EMC10: variants seen among roughly 807,000 people sequenced by gnomAD.
EMC10 encodes UPF0510 protein INM02.
Under a neutral mutation model 32.2 loss-of-function variants are expected in EMC10, and 40 were observed. The observed-to-expected ratio is 1.24, with a 90% CI of 0.96 to 1.61. The LOEUF (loss-of-function observed/expected upper bound fraction) is 1.61. Among genes scored for constraint, EMC10 ranks in the 40% most tolerant of loss-of-function variants. The pLI is 0.00. For synonymous variants in EMC10, 178 were observed against 158.4 expected, an observed-to-expected ratio of 1.12 and a Z score of -0.93; for missense variants, 402 against 357.7, an observed-to-expected ratio of 1.12 and a Z score of -1.00.
intron 1 of EMC10, 40 bp downstream of exon 1, chr19:50,476,698 G>T (rs1424624044): frequency 2.4e-6 from 3 of 1,273,174 alleles, no homozygotes; most frequent in Non-Finnish European, 3.2e-6. Flanking sequence ...CGCGGTCTAC[G>T]GATGTCGCAG....
chr19:50,483,586 A>G lies in EMC10; in HGVS notation c.*1327A>G, dbSNP rs1330093932. ...CATCACTTCTTTTTGTTTTTGAGTCAGGGTCTTGCTCTGTTACCCAAGCTG... is the reference window on the plus strand; with the variant it reads ...CATCACTTCTTTTTGTTTTTGAGTCGGGGTCTTGCTCTGTTACCCAAGCTG... On this transcript the variant is annotated 3_prime_UTR_variant, in exon 7 of 7. Coordinates refer to ENST00000334976, the MANE Select transcript of EMC10 (RefSeq NM_206538.4). 6.3e-6 allele frequency: 1 copy of G among 158,342 alleles called. No individual in the cohort carries two copies. Among genetic ancestry groups the G allele is most frequent in the African/African-American group, 2.4e-5 (1 of 41,518 alleles). The allele number at this position is 158,342 out of a possible 1,614,324, so 9.8% of individuals were successfully genotyped here. A position where few individuals can be genotyped will look rare whatever the true frequency, so the allele number is the denominator to read the frequency against.
In EMC10 at chr19:50,480,649, G is replaced by A; in HGVS notation, c.471G>A (p.Val157=). The A allele has an allele frequency of 1.3e-6, 2 of 1,590,590 alleles. No individual in the cohort carries two copies. The highest frequency in any genetic ancestry group is 2.3e-5 in the South Asian group (2 of 87,584). The change falls in exon 5 of 7, where the codon GTG becomes GTA. Residue 157 remains valine, a synonymous_variant. Transcript: ENST00000334976. This position sits in a 1 kb window ranked among gnomAD's most constrained non-coding sequence, Gnocchi z 4.4. The part of the protein sequence containing the change: ...TLHVDVAGNV[V]GVSVVTHPGG... ...ACGTGGATGTGGCCGGCAACGTGGT[G>A]GGCGTGTCGGTGGTGACGCACCCCG...
chr19:50,483,212 C>G lies in EMC10; in HGVS notation c.*953C>G. ...GTTTTGGCAAGACGGTCCTGATGTA[C>G]AAGCTTGATTGAAATTCACTGCTCA... is the stretch of plus-strand genomic sequence containing the variant. On this transcript the variant is annotated 3_prime_UTR_variant, in exon 7 of 7. Transcript: ENST00000334976. The G allele has an allele frequency of 2.3e-6, 1 of 434,248 alleles. No individual in the cohort carries two copies. Among genetic ancestry groups the G allele is most frequent in the Non-Finnish European group, 4.7e-6 (1 of 213,358 alleles). The allele number at this position is 434,248 out of a possible 1,614,324, so 26.9% of individuals were successfully genotyped here.
Position 50,486,766 on chromosome 19 carries a change from A to G in EMC10, c.*4507A>G, listed in dbSNP as rs558930517. On this transcript the variant is annotated 3_prime_UTR_variant, in exon 7 of 7. Transcript: ENST00000334976. ...GGGAGCCAATCCACCCACCCATAGA[A>G]TGACTTGAAAATGTGTGAAGTTCAG... 6.6e-6 allele frequency: 1 copy of G among 152,266 alleles called. No homozygotes were observed. Among genetic ancestry groups the G allele is most frequent in the East Asian group, 1.9e-4 (1 of 5,184 alleles). 9.4% of individuals were successfully genotyped at this position (152,266 alleles called of 1,614,324 possible).
chr19:50,479,467 T>C (rs1027578478), intron 3 of EMC10, among the ~76,000 whole-genome samples: 1 of 152,150 alleles, frequency 6.6e-6, no homozygotes, highest in Non-Finnish European at 1.5e-5. Context: ...CGCCCTGTGT[T>C]GTGGCAGCCT....
chr19:50,479,411 G>A (rs1165775903), intron 3 of EMC10, among the ~76,000 whole-genome samples: 5 of 152,200 alleles, frequency 3.3e-5, no homozygotes, highest in Non-Finnish European at 7.3e-5. Flanking sequence ...TGTTTGTGAG[G>A]AGAAAGCCTC....
At chr19:50,477,037 C>G (rs536886596) in intron 1 of EMC10, 69 of 184,618 alleles carry the variant, frequency 3.7e-4, no homozygotes, top group African/African-American at 1.5e-3. Flanking sequence ...GGGAGGATTG[C>G]TCTAGGCCAG....
rs1040396365 is a variant in EMC10, at chr19:50,480,166, C to A, written c.353C>A (p.Ala118Asp). 1 of 1,613,812 alleles carries A rather than the reference C, an allele frequency of 6.2e-7. No individual in the cohort carries two copies. Among genetic ancestry groups the A allele is most frequent in the Admixed American group, 1.7e-5 (1 of 59,984 alleles). The change falls in exon 4 of 7, where the codon GCC becomes GAC. Residue 118 changes from alanine (A) to aspartate (D), a missense_variant. Transcript: ENST00000334976. This position sits in a 1 kb window ranked among gnomAD's most constrained non-coding sequence, Gnocchi z 4.4. The stretch of plus-strand genomic sequence containing the variant: ...GTCCGGATCCCAAGGCGACCCGGGG[C>A]CCTGGATGGCCTGGAAGCTGGTGGC... ...YRVRIPRRPG[A>D]LDGLEAGGYV...
chr19:50,476,541 C>A lies in EMC10; in HGVS notation c.-4C>A. The stretch of plus-strand genomic sequence containing the variant: ...CGTCCCTTCGCTGGTGGGAAGAAGC[C>A]GAGATGGCGGCAGCCAGCGCTGGGG... On this transcript the variant is annotated 5_prime_UTR_variant, in exon 1 of 7. Coordinates refer to ENST00000334976, the MANE Select transcript of EMC10 (RefSeq NM_206538.4). The A allele has an allele frequency of 1.3e-6, 2 of 1,571,914 alleles. No individual in the cohort carries two copies. The highest frequency in any genetic ancestry group is 2.3e-5 in the East Asian group (1 of 42,620).
In EMC10 at chr19:50,477,933, G is replaced by A. The variant is rs2040254894; in HGVS notation, c.119G>A (p.Gly40Glu). 12 of 1,598,214 alleles carry A rather than the reference G, an allele frequency of 7.5e-6. No homozygotes were observed. The highest frequency in any genetic ancestry group is 1.0e-5 in the Non-Finnish European group (12 of 1,175,126). Residue 40 changes from glycine to glutamate, a missense_variant, in exon 2 of 7, where the codon GGG (glycine) becomes GAG (glutamate). Gly to Glu is a moderately conservative substitution (Grantham distance 98). Transcript: ENST00000334976. Reference protein sequence around the residue: ...CRAGTGARGAGAEGREGEACG... With the variant: ...CRAGTGARGAEAEGREGEACG... The stretch of plus-strand genomic sequence containing the variant: ...GGCCTTCTGTGTCCTCTGCAGGCTG[G>A]GGCGGAAGGTCGAGAGGGCGAGGCC...
chr19:50,488,210 G>A lies in EMC10; in HGVS notation c.*5951G>A, dbSNP rs935365865. 1 of 150,178 alleles carries A rather than the reference G, an allele frequency of 6.7e-6. No individual in the cohort carries two copies. Among genetic ancestry groups the A allele is most frequent in the African/African-American group, 2.5e-5 (1 of 40,772 alleles). The allele number at this position is 150,178 out of a possible 1,614,324, so 9.3% of individuals were successfully genotyped here. A position where few individuals can be genotyped will look rare whatever the true frequency, so the allele number is the denominator to read the frequency against. On this transcript the variant is annotated 3_prime_UTR_variant, in exon 7 of 7. Coordinates refer to ENST00000334976, the MANE Select transcript of EMC10 (RefSeq NM_206538.4). ...ACTCGGGAGGCTGAGGCAGGAGAAT[G>A]GCGTGAACCCTGGAGGCGGAGCTTG... is the stretch of plus-strand genomic sequence containing the variant.
intron 2 of EMC10, 59 bp from the exon 3 acceptor site, chr19:50,478,898 C>G: frequency 7.4e-7 from 1 of 1,347,320 alleles, no homozygotes; most frequent in Admixed American, 2.1e-5. Flanking sequence ...CTCCTGGCCC[C>G]TGCCTGGGTT....
chr19:50,479,780 C>T (rs1412897508), intron 3 of EMC10, among the ~76,000 whole-genome samples: 1 of 152,208 alleles, frequency 6.6e-6, no homozygotes, highest in Admixed American at 6.5e-5. Flanking sequence ...GTAACTGGTA[C>T]GTCCAGGCAT....
rs1162986522 is a variant in EMC10 at position 50,477,969 on chromosome 19, T to G, written c.155T>G (p.Val52Gly). ...EGREGEACGT[V>G]GLLLEHSFEI... is the part of the protein sequence containing the mutation. ...CGAGAGGGCGAGGCCTGTGGCACGGTGGGGCTGCTGCTGGAGCACTCATTT... is the reference window on the plus strand; with the variant it reads ...CGAGAGGGCGAGGCCTGTGGCACGGGGGGGCTGCTGCTGGAGCACTCATTT... Residue 52 changes from valine (V) to glycine (G), a missense_variant, in exon 2 of 7, where the codon GTG (valine) becomes GGG (glycine). Transcript: ENST00000334976. The G allele has an allele frequency of 6.2e-7, 1 of 1,602,238 alleles. No homozygotes were observed. Among genetic ancestry groups the G allele is most frequent in the Non-Finnish European group, 8.5e-7 (1 of 1,176,332 alleles).
Position 50,488,563 on chromosome 19 carries a change from TTGGGGGAGAAGAGGG to T in EMC10, c.*6314_*6328del, listed in dbSNP as rs1490646453. 4.4e-5 allele frequency: 1 copy of T among 22,892 alleles called. No homozygotes were observed. Among genetic ancestry groups the T allele is most frequent in the Non-Finnish European group, 8.6e-5 (1 of 11,660 alleles). 1.4% of individuals were successfully genotyped at this position (22,892 alleles called of 1,614,324 possible). A position where few individuals can be genotyped will look rare whatever the true frequency, so the allele number is the denominator to read the frequency against. Reference sequence around the variant, plus strand: ...GGAGAAGTGGGTGGGGGAGAGGGTGTTGGGGGAGAAGAGGGTGGGGGAGAGGGGGCCCCGGGAGAG... The same window carrying T: ...GGAGAAGTGGGTGGGGGAGAGGGTGTTGGGGGAGAGGGGGCCCCGGGAGAG... On this transcript the variant is annotated 3_prime_UTR_variant, in exon 7 of 7. Coordinates refer to ENST00000334976, the MANE Select transcript of EMC10 (RefSeq NM_206538.4).
chr19:50,481,401 C>T (rs1207966811), intron 6 of EMC10: 2 of 218,394 alleles, frequency 9.2e-6, no homozygotes, highest in Admixed American at 5.5e-5. Flanking sequence ...CCTGGGAGGC[C>T]TCCTGGAGCT....
rs531144399 is a variant in EMC10, at chr19:50,486,870, T to C, written c.*4611T>C. 2.6e-5 allele frequency: 4 copies of C among 152,272 alleles called. No homozygotes were observed. The highest frequency in any genetic ancestry group is 4.8e-5 in the African/African-American group (2 of 41,560). 9.4% of individuals were successfully genotyped at this position (152,272 alleles called of 1,614,324 possible). On this transcript the variant is annotated 3_prime_UTR_variant, in exon 7 of 7. Transcript: ENST00000334976. ...TAAAAATGTTCATTTTTACAAAATA[T>C]TACAACTTCTCCCTCTCCCCTCCTT...
In EMC10 at chr19:50,483,160, A is replaced by T; in HGVS notation, c.*901A>T. 5 of 458,092 alleles carry T rather than the reference A, an allele frequency of 1.1e-5. No homozygotes were observed. The highest frequency in any genetic ancestry group is 1.8e-5 in the Non-Finnish European group (4 of 228,486). The allele number at this position is 458,092 out of a possible 1,614,324, so 28.4% of individuals were successfully genotyped here. ...ATGTGTGAACGTTTTGAAAAGCTAC[A>T]GCTTCCAGCAGCCAAAAGCAACTGT... On this transcript the variant is annotated 3_prime_UTR_variant, in exon 7 of 7. Transcript: ENST00000334976.
chr19:50,478,157 G>T (rs1355984724), intron 2 of EMC10, among the ~76,000 whole-genome samples, 156 bp downstream of exon 2: 1 of 152,188 alleles, frequency 6.6e-6, no homozygotes, highest in East Asian at 1.9e-4. Flanking sequence ...TGAAAGAAGA[G>T]AAACACTCTT....
Sources: allele counts gnomAD v4.1 joint callset (sites outside exome capture counted in the v4.1 genomes callset), GRCh38; gene constraint gnomAD v4.1.1; non-coding constraint Gnocchi (gnomAD v3.1); transcripts MANE v1.5; gene names NCBI Gene and HGNC (gene_info 2026-07-23, HGNC 2026-07-21).